The following SNRNP40 variants were observed in gnomAD, a reference collection of about 807,000 sequenced individuals.
SNRNP40 encodes the protein U5 small nuclear ribonucleoprotein 40 kDa protein.
Under a neutral mutation model 45.8 loss-of-function variants are expected in SNRNP40, and 21 were observed. The ratio of observed to expected loss-of-function variants is 0.46; its 90% confidence interval spans 0.32 to 0.66. The LOEUF is 0.66. Among genes scored for constraint, SNRNP40 ranks in the 30% least tolerant of loss-of-function variants. SNRNP40 has a pLI of 0.03. For synonymous variants in SNRNP40, 142 were observed against 163.8 expected (o/e 0.87, Z 1.01); for missense variants, 344 against 439.1 (o/e 0.78, Z 1.94).
chr1:31,287,923 G>A (rs1206957939), intron 4 of SNRNP40, among the ~76,000 whole-genome samples: 1 of 152,168 alleles, frequency 6.6e-6, no homozygotes, highest in African/African-American at 2.4e-5. Context: ...CTTGAACCCA[G>A]GAGGTAGAGG....
chr1:31,281,533 A>C, intron 4 of SNRNP40, 37 bp from the exon 5 acceptor site: 1 of 1,572,666 alleles, frequency 6.4e-7, no homozygotes, highest in Non-Finnish European at 8.7e-7. Flanking sequence ...CAGCAACATC[A>C]TTCTAAGAAG....
intron 3 of SNRNP40, among the ~76,000 whole-genome samples, chr1:31,289,880 A>G (rs1277124783): frequency 6.7e-6 from 1 of 148,154 alleles, no homozygotes; most frequent in Non-Finnish European, 1.5e-5. Flanking sequence ...TCTTTCTTTC[A>G]TTTTTTTTTT....
intron 3 of SNRNP40, among the ~76,000 whole-genome samples, chr1:31,290,820 G>A (rs56344528): frequency 6.6e-6 from 1 of 152,022 alleles, no homozygotes; most frequent in Admixed American, 6.6e-5. Context: ...GGAGCTTGCA[G>A]TGAGCCGAGA....
intron 5 of SNRNP40, among the ~76,000 whole-genome samples, chr1:31,275,259 A>G (rs1310336537): frequency 6.6e-6 from 1 of 152,116 alleles, no homozygotes; most frequent in African/African-American, 2.4e-5. Flanking sequence ...CAGGTTTGAC[A>G]TTTCCTGAGT....
chr1:31,261,600 C>A lies in SNRNP40; in HGVS notation c.953G>T (p.Arg318Ile). 6.2e-7 allele frequency: 1 copy of A among 1,614,030 alleles called. No homozygotes were observed. The highest frequency in any genetic ancestry group is 8.5e-7 in the Non-Finnish European group (1 of 1,179,948). The change falls in exon 9 of 10, where the codon AGA becomes ATA. Residue 318 changes from arginine (R) to isoleucine (I), a missense_variant. Physicochemically the swap from Arg to Ile is moderately conservative, Grantham distance 97. This residue lies in a region of SNRNP40 where 254 missense variants were observed against 380.2 expected (regional missense o/e 0.67). Transcript: ENST00000263694. ...FVYVWDTTSR[R>I]ILYKLPGHAG... ...ATGGCCGGGCAGCTTATACAATATT[C>A]TCCTGCTTGTGGTATCCCACACATA... is the stretch of plus-strand genomic sequence containing the variant.
intron 2 of SNRNP40, 156 bp downstream of exon 2, chr1:31,293,063 T>G: frequency 1.4e-6 from 1 of 712,142 alleles, no homozygotes; most frequent in Non-Finnish European, 2.3e-6. Context: ...ACACCCAAGA[T>G]CATTCAGCAT....
At chr1:31,262,970 CCAGCCTGGGTGA>C (rs1178613081) in intron 8 of SNRNP40, among the ~76,000 whole-genome samples, 1 of 151,770 alleles carries the variant, frequency 6.6e-6, no homozygotes, top group Non-Finnish European at 1.5e-5. Flanking sequence ...CCACTGCACC[CCAGCCTGGGTGA>C]CAGAGTGAGA....
Position 31,296,674 on chromosome 1 carries a change from C to G in SNRNP40, c.78G>C (p.Leu26Phe), listed in dbSNP as rs1367596334. 1.2e-6 allele frequency: 2 copies of G among 1,613,986 alleles called. No individual in the cohort carries two copies. Among genetic ancestry groups the G allele is most frequent in the South Asian group, 1.1e-5 (1 of 91,074 alleles). The change falls in exon 1 of 10, where the codon TTG becomes TTC. Residue 26 changes from leucine to phenylalanine, a missense_variant. Transcript: ENST00000263694. ...CGGCTCCTGGGCCAGACCCCGCTCC[C>G]AACAGCAACTCATGCCGCTGCCGCT... ...PVKRQRHELL[L>F]GAGSGPGAGQ...
chr1:31,277,353 T>G (rs1645982809), intron 5 of SNRNP40, among the ~76,000 whole-genome samples: 1 of 152,240 alleles, frequency 6.6e-6, no homozygotes, highest in Non-Finnish European at 1.5e-5. Context: ...TTTATAATTC[T>G]TTTACATTTT....
chr1:31,264,586 G>A (rs1645883416), intron 8 of SNRNP40, among the ~76,000 whole-genome samples: 2 of 152,144 alleles, frequency 1.3e-5, no homozygotes, highest in South Asian at 4.1e-4. Context: ...AAAATAATGA[G>A]GTAATATATG....
chr1:31,261,186 CA>C (rs35456520), intron 9 of SNRNP40: 133,926 of 263,584 alleles, frequency 0.51, 23,150 homozygotes, highest in Non-Finnish European at 0.54. Context: ...ACTAAAAATA[CA>C]AAAAAAAAAA....
rs544937665 is a variant in SNRNP40 at position 31,293,464 on chromosome 1, C to T, written c.142-116G>A. 2.9e-6 allele frequency: 3 copies of T among 1,046,688 alleles called. No individual in the cohort carries two copies. In the South Asian group the frequency reaches 5.2e-5, roughly 18 times the overall value. 64.8% of individuals were successfully genotyped at this position (1,046,688 alleles called of 1,614,324 possible). On this transcript the variant is annotated intron_variant, in intron 1 of 9. Transcript: ENST00000263694. ...AAAACAATGATTAAGTGGGTTTCAT[C>T]TGACTTACAGAATGGTAGCTCTTCT...
chr1:31,282,471 C>CTATCTATCTATG, intron 4 of SNRNP40: 1 of 69,120 alleles, frequency 1.4e-5, no homozygotes, highest in South Asian at 4.6e-4. Flanking sequence ...TCCTGGCTAT[C>CTATCTATCTATG]TATCTATCTA....
intron 8 of SNRNP40, among the ~76,000 whole-genome samples, chr1:31,267,212 G>T (rs1645903234): frequency 6.6e-6 from 1 of 152,158 alleles, no homozygotes; most frequent in Non-Finnish European, 1.5e-5. Flanking sequence ...GGTGATGGTG[G>T]GGGAGGTGGG....
intron 8 of SNRNP40, among the ~76,000 whole-genome samples, chr1:31,264,709 G>C (rs1645884299): frequency 6.6e-6 from 1 of 152,190 alleles, no homozygotes; most frequent in Non-Finnish European, 1.5e-5. Context: ...TTGGCCGAGA[G>C]ACTGGTCAGC....
intron 8 of SNRNP40, among the ~76,000 whole-genome samples, chr1:31,264,808 T>C (rs983882493): frequency 2.0e-5 from 3 of 152,136 alleles, no homozygotes; most frequent in African/African-American, 7.2e-5. Context: ...AAGGAGAAGT[T>C]TGCCAAATCC....
At chr1:31,283,487 C>T (rs1247139988) in intron 4 of SNRNP40, among the ~76,000 whole-genome samples, 2 of 152,108 alleles carry the variant, frequency 1.3e-5, no homozygotes, top group African/African-American at 4.8e-5. Context: ...CCTGTAACCC[C>T]AGCTACTCAG....
At chr1:31,286,733 T>C (rs1646062330) in intron 4 of SNRNP40, among the ~76,000 whole-genome samples, 1 of 152,292 alleles carries the variant, frequency 6.6e-6, no homozygotes. Flanking sequence ...CTACCCTGTG[T>C]TGTATGGATG....
At chr1:31,262,122 A>G (rs1645862963) in intron 8 of SNRNP40, among the ~76,000 whole-genome samples, 1 of 152,174 alleles carries the variant, frequency 6.6e-6, no homozygotes, top group Non-Finnish European at 1.5e-5. Context: ...TATATAAAAT[A>G]TTTATAGTGT....
Sources: allele counts gnomAD v4.1 joint callset (sites outside exome capture counted in the v4.1 genomes callset), GRCh38; gene constraint gnomAD v4.1.1; regional missense constraint gnomAD v4.1.1; transcripts MANE v1.5; gene names NCBI Gene and HGNC (gene_info 2026-07-23, HGNC 2026-07-21).